The following GULP1 variants were observed in gnomAD, a reference collection of about 807,000 sequenced individuals.
GULP1 encodes the protein GULP PTB domain containing engulfment adaptor 1, also known as PTB domain-containing engulfment adapter protein 1.
GULP1 carries 19 observed loss-of-function variants against 40.9 expected under a neutral mutation model. The ratio of observed to expected loss-of-function variants is 0.46; its 90% CI spans 0.32 to 0.68. The LOEUF is 0.68. GULP1 is among the 30% of genes least tolerant of loss of function. The probability of loss-of-function intolerance (pLI) is 0.03; values close to 1 mark genes in which losing one functional copy is unlikely to be tolerated. For synonymous variants in GULP1, 119 were observed against 117.6 expected (o/e 1.01, Z -0.08); for missense variants, 312 against 362.2 (o/e 0.86, Z 1.12).
At chr2:188,566,455 ATAAT>A (rs1190972357) in intron 7 of GULP1, among the ~76,000 whole-genome samples, 2 of 152,128 alleles carry the variant, frequency 1.3e-5, no homozygotes, top group African/African-American at 2.4e-5. Flanking sequence ...TCATTAATGA[ATAAT>A]TAATAATGTT....
At chr2:188,492,915 T>G (rs1461098294) in intron 4 of GULP1, among the ~76,000 whole-genome samples, 1 of 152,046 alleles carries the variant, frequency 6.6e-6, no homozygotes, top group Non-Finnish European at 1.5e-5. Flanking sequence ...AATGATGAAG[T>G]GAATAGCTGA....
At chr2:188,398,320 A>G (rs1256278956) in intron 2 of GULP1, among the ~76,000 whole-genome samples, 1 of 152,202 alleles carries the variant, frequency 6.6e-6, no homozygotes, top group Non-Finnish European at 1.5e-5. Flanking sequence ...TAACAGTGGT[A>G]ATTTGTCATG....
At chr2:188,532,846 G>C (rs968456275) in intron 6 of GULP1, among the ~76,000 whole-genome samples, 4 of 151,684 alleles carry the variant, frequency 2.6e-5, no homozygotes, top group Admixed American at 2.6e-4. Context: ...GCTTGAACCC[G>C]GTAGGTGGAG....
chr2:188,340,272 A>G (rs905239065), intron 1 of GULP1, among the ~76,000 whole-genome samples: 7 of 152,222 alleles, frequency 4.6e-5, no homozygotes, highest in African/African-American at 1.4e-4. Flanking sequence ...TAATTTATCA[A>G]TAAAACAGGT....
At chr2:188,313,849 G>T (rs768703113) in intron 1 of GULP1, among the ~76,000 whole-genome samples, 1 of 151,758 alleles carries the variant, frequency 6.6e-6, no homozygotes, top group Non-Finnish European at 1.5e-5. Context: ...ATTTTATTGA[G>T]AATTGAGTAT....
chr2:188,450,349 T>C (rs775856065), intron 2 of GULP1, among the ~76,000 whole-genome samples: 14 of 152,158 alleles, frequency 9.2e-5, no homozygotes, highest in Admixed American at 2.0e-4. Flanking sequence ...CAGTTAAGTG[T>C]GTATAATACA....
chr2:188,501,521 G>T (rs950104205), intron 4 of GULP1, among the ~76,000 whole-genome samples: 2 of 151,826 alleles, frequency 1.3e-5, no homozygotes, highest in Non-Finnish European at 2.9e-5. Flanking sequence ...TGTTATTAGC[G>T]TAGTGTTCAA....
chr2:188,555,956 G>A (rs966160421), intron 7 of GULP1, among the ~76,000 whole-genome samples: 2 of 151,904 alleles, frequency 1.3e-5, no homozygotes, highest in African/African-American at 4.8e-5. Context: ...TACTTGGGAG[G>A]CTGAGGCAGA....
intron 2 of GULP1, among the ~76,000 whole-genome samples, chr2:188,476,767 A>C (rs1181313489): frequency 6.6e-6 from 1 of 152,112 alleles, no homozygotes; most frequent in Non-Finnish European, 1.5e-5. Context: ...AGTAAGATTA[A>C]CTATTTTGTG....
intron 1 of GULP1, among the ~76,000 whole-genome samples, chr2:188,370,823 T>C (rs1325162100): frequency 6.6e-6 from 1 of 152,160 alleles, no homozygotes; most frequent in Non-Finnish European, 1.5e-5. Flanking sequence ...TTTAAGAGAA[T>C]ATACTTTCAA....
chr2:188,422,938 C>G (rs910736720), intron 2 of GULP1, among the ~76,000 whole-genome samples: 1 of 152,052 alleles, frequency 6.6e-6, no homozygotes, highest in African/African-American at 2.4e-5. Context: ...TTTCCAGATG[C>G]CTGTACTCTT....
Position 188,448,027 on chromosome 2 carries a change from A to G in GULP1, c.-44-29632A>G, listed in dbSNP as rs894203819. On this transcript the variant is annotated intron_variant, in intron 2 of 11. Transcript: ENST00000409830. ...ATCAGACACATAGACTGAAGACATA[A>G]TTTGAAACATCAGAACCCATAGTCT... Among the ~76,000 whole-genome samples, 3 of 152,230 alleles carry G rather than the reference A, an allele frequency of 2.0e-5. No individual in the cohort carries two copies. In the South Asian group the frequency reaches 6.2e-4, roughly 31 times the overall value.
At chr2:188,531,609 G>A (rs1206989724) in intron 6 of GULP1, among the ~76,000 whole-genome samples, 1 of 152,152 alleles carries the variant, frequency 6.6e-6, no homozygotes, top group Non-Finnish European at 1.5e-5. Context: ...CTGCTAAGGT[G>A]GCTGAAAACA....
At chr2:188,570,667 G>A (rs1698825986) in intron 9 of GULP1, among the ~76,000 whole-genome samples, 1 of 152,054 alleles carries the variant, frequency 6.6e-6, no homozygotes. Context: ...TCACAGTTTT[G>A]AAATCCTTTT....
chr2:188,510,464 G>A (rs1012345712), intron 4 of GULP1, among the ~76,000 whole-genome samples: 16 of 151,864 alleles, frequency 1.1e-4, no homozygotes, highest in African/African-American at 3.9e-4. Flanking sequence ...AATACTACTA[G>A]ATTTAAGAGA....
chr2:188,551,599 A>G (rs1411021110), intron 7 of GULP1, among the ~76,000 whole-genome samples: 2 of 151,606 alleles, frequency 1.3e-5, no homozygotes, highest in Non-Finnish European at 3.0e-5. Flanking sequence ...TTGATTCCAT[A>G]TGTTTGCTAT....
chr2:188,522,510 A>G (rs1045725076), intron 4 of GULP1, among the ~76,000 whole-genome samples: 4 of 151,946 alleles, frequency 2.6e-5, no homozygotes, highest in Non-Finnish European at 5.9e-5. Flanking sequence ...GTAAAAATCT[A>G]CAAGTAAAAT....
chr2:188,571,974 T>C (rs1452196967), intron 9 of GULP1, among the ~76,000 whole-genome samples: 1 of 152,176 alleles, frequency 6.6e-6, no homozygotes. Context: ...AGGAAGAACA[T>C]TTGAGAGGAG....
At chr2:188,520,378 A>C (rs772745042) in intron 4 of GULP1, among the ~76,000 whole-genome samples, 6 of 152,112 alleles carry the variant, frequency 3.9e-5, no homozygotes, top group Non-Finnish European at 7.4e-5. Context: ...TTTACTAAAA[A>C]TACAAAAATT....
Sources: gnomAD v4.1 joint callset for allele counts (sites outside exome capture counted in the v4.1 genomes callset) on GRCh38, gnomAD v4.1.1 for gene constraint, MANE v1.5 for transcripts, NCBI Gene and HGNC (gene_info 2026-07-23, HGNC 2026-07-21) for gene names.